CCPG1: variants seen among roughly 807,000 people sequenced by gnomAD.
CCPG1 encodes the protein cell cycle progression protein 1.
In CCPG1, 46 loss-of-function variants were observed where a neutral mutation model predicts 81.3. The observed-to-expected ratio is 0.57, with a 90% CI of 0.45 to 0.72. The LOEUF is 0.72. Ranked by LOEUF, CCPG1 falls within the 30% of genes least tolerant of loss-of-function variation. The pLI is 0.00. For synonymous variants in CCPG1, 330 were observed against 305.2 expected, an observed-to-expected ratio of 1.08 and a Z score of -0.85; for missense variants, 902 against 937.6, an observed-to-expected ratio of 0.96 and a Z score of 0.50.
chr15:55,356,501 T>C (rs1566963719), intron 8 of CCPG1, 92 bp from the exon 9 acceptor site: 1 of 1,303,886 alleles, frequency 7.7e-7, no homozygotes, highest in Non-Finnish European at 1.0e-6. Context: ...TAATCTATGA[T>C]CTGAACACTG....
chr15:55,393,831 TC>T (rs2056968391), intron 1 of CCPG1, among the ~76,000 whole-genome samples: 1 of 152,060 alleles, frequency 6.6e-6, no homozygotes, highest in South Asian at 2.1e-4. Flanking sequence ...ACTTCACCTC[TC>T]CATTCACATA....
At chr15:55,388,449 G>A (rs1357617317) in intron 2 of CCPG1, among the ~76,000 whole-genome samples, 1 of 152,142 alleles carries the variant, frequency 6.6e-6, no homozygotes, top group Non-Finnish European at 1.5e-5. Flanking sequence ...TAACGTAAAT[G>A]GAACACATGT....
intron 1 of CCPG1, among the ~76,000 whole-genome samples, chr15:55,390,505 A>G (rs1378565928): frequency 6.6e-6 from 1 of 152,250 alleles, no homozygotes; most frequent in Admixed American, 6.5e-5. Context: ...TACTGTGAAC[A>G]CATTAGATCC....
At chr15:55,369,818 A>G (rs2141264046) in intron 6 of CCPG1, among the ~76,000 whole-genome samples, 1 of 152,306 alleles carries the variant, frequency 6.6e-6, no homozygotes, top group South Asian at 2.1e-4. Flanking sequence ...AAATATTCAA[A>G]GGTCATGTAA....
Position 55,371,820 on chromosome 15 carries a change from T to A in CCPG1, c.679A>T (p.Ile227Phe). The A allele has an allele frequency of 6.2e-7, 1 of 1,614,040 alleles. No homozygotes were observed. Among genetic ancestry groups the A allele is most frequent in the Non-Finnish European group, 8.5e-7 (1 of 1,179,884 alleles). The change falls in exon 6 of 9, where the codon ATC (isoleucine) becomes TTC (phenylalanine). Residue 227 changes from isoleucine (I) to phenylalanine (F), a missense_variant. Ile to Phe is a conservative substitution (Grantham distance 21). Transcript: ENST00000442196. ...TAGAAATGGCCAAATCCCATGCTGATTGCAATCACCAAAGCAAGTATAACA... is the reference window on the plus strand; with the variant it reads ...TAGAAATGGCCAAATCCCATGCTGAATGCAATCACCAAAGCAAGTATAACA... ...KCVILALVIA[I>F]SMGFGHFYGT...
At chr15:55,387,694 G>GCGGT (rs1286449205) in intron 2 of CCPG1, among the ~76,000 whole-genome samples, 1 of 151,644 alleles carries the variant, frequency 6.6e-6, no homozygotes, top group Non-Finnish European at 1.5e-5. Flanking sequence ...ACAGGCATGT[G>GCGGT]CGACCACGCC....
chr15:55,383,150 T>C (rs2056734627), intron 3 of CCPG1, among the ~76,000 whole-genome samples: 1 of 152,236 alleles, frequency 6.6e-6, no homozygotes, highest in African/African-American at 2.4e-5. Context: ...AGACTGGATG[T>C]TGTGTTAGCA....
rs138220312 is a variant in CCPG1, at chr15:55,393,099, C to T, written c.-9-3666G>A. 7.9e-3 allele frequency among the ~76,000 whole-genome samples: 1,201 copies of T among 151,600 alleles called. 13 individuals carry two copies. The highest frequency in any genetic ancestry group is 0.024 in the African/African-American group (1,008 of 41,298). Reference sequence around the variant, plus strand: ...AGCCTGGGCAACAAGAGGGAAACTCCGTCTCAAAATAAATAAATTAATTAA... The same window carrying T: ...AGCCTGGGCAACAAGAGGGAAACTCTGTCTCAAAATAAATAAATTAATTAA... On this transcript the variant is annotated intron_variant, in intron 1 of 8. Coordinates refer to ENST00000442196, the MANE Select transcript of CCPG1 (RefSeq NM_001204450.2).
At chr15:55,369,990 GAT>G (rs1411271983) in intron 6 of CCPG1, among the ~76,000 whole-genome samples, 1 of 148,144 alleles carries the variant, frequency 6.8e-6, no homozygotes, top group Non-Finnish European at 1.5e-5. Context: ...GTTTCAGCTA[GAT>G]AGTCTATAAA....
At chr15:55,391,112 T>C (rs1284608584) in intron 1 of CCPG1, among the ~76,000 whole-genome samples, 1 of 152,254 alleles carries the variant, frequency 6.6e-6, no homozygotes, top group Admixed American at 6.5e-5. Context: ...TTTATTAAAC[T>C]GACTATATTT....
At chr15:55,392,988 C>CA (rs1161722896) in intron 1 of CCPG1, among the ~76,000 whole-genome samples, 1 of 152,156 alleles carries the variant, frequency 6.6e-6, no homozygotes, top group Non-Finnish European at 1.5e-5. Flanking sequence ...CCTGTAATCC[C>CA]AGCTACTCGA....
chr15:55,358,576 G>C (rs1019640985), intron 8 of CCPG1: 1 of 985,250 alleles, frequency 1.0e-6, no homozygotes, highest in Non-Finnish European at 1.2e-6. Flanking sequence ...TTCCCTGTCT[G>C]CATAGCAAAT....
In CCPG1 at chr15:55,386,403, T is replaced by A. The variant is rs1383455008; in HGVS notation, c.61-689A>T. ...TTATTCTGAGGTTATCTTTCCTACT[T>A]TGATGTCAGACTGTCTTTTCATTAA... On this transcript the variant is annotated intron_variant, in intron 2 of 8. Transcript: ENST00000442196. 4.6e-5 allele frequency among the ~76,000 whole-genome samples: 7 copies of A among 152,178 alleles called. No homozygotes were observed. The East Asian group carries it at 1.2e-3, about 25-fold the overall frequency.
chr15:55,364,129 C>G lies in CCPG1; in HGVS notation c.828+1059G>C, dbSNP rs190655847. 2.1e-4 allele frequency among the ~76,000 whole-genome samples: 32 copies of G among 150,572 alleles called. 1 individual carries two copies. The highest frequency in any genetic ancestry group is 7.5e-4 in the African/African-American group (31 of 41,360). On this transcript the variant is annotated intron_variant, in intron 7 of 8. Transcript: ENST00000442196. ...CCCAGACATAGCTTATTTTTCTACC[C>G]TGCATTTCTCTCTACAACCTTCTTA...
At chr15:55,403,946 A>C (rs1217306241) in intron 1 of CCPG1, among the ~76,000 whole-genome samples, 1 of 152,232 alleles carries the variant, frequency 6.6e-6, no homozygotes, top group Non-Finnish European at 1.5e-5. Context: ...ATATGCACCT[A>C]ATTTTTAAAA....
chr15:55,391,779 C>T (rs1296355916), intron 1 of CCPG1, among the ~76,000 whole-genome samples: 1 of 150,562 alleles, frequency 6.6e-6, no homozygotes, highest in African/African-American at 2.4e-5. Context: ...TCCCTTGAGG[C>T]CAGGAGTTCA....
rs374633748 is a variant in CCPG1, at chr15:55,360,416, C to T, written c.1357G>A (p.Val453Ile). Residue 453 changes from valine (V) to isoleucine (I), a missense_variant, in exon 8 of 9, where the codon GTT (valine) becomes ATT (isoleucine). Physicochemically the swap from Val to Ile is conservative, Grantham distance 29 (BLOSUM62 3). This residue lies in a region of CCPG1 where 746 missense variants were observed against 728.6 expected (regional missense o/e 1.02). Transcript: ENST00000442196. ...QRSDLWERLY[V>I]EAKDQNGKQG... The stretch of plus-strand genomic sequence containing the variant: ...TTTCCATTTTGATCTTTTGCCTCAA[C>T]ATACAATCTTTCCCACAAATCAGAA... 2.2e-5 allele frequency: 36 copies of T among 1,613,730 alleles called. No homozygotes were observed. Among genetic ancestry groups the T allele is most frequent in the Non-Finnish European group, 2.7e-5 (32 of 1,180,020 alleles).
intron 3 of CCPG1, among the ~76,000 whole-genome samples, chr15:55,381,356 C>T (rs567467733): frequency 2.7e-5 from 4 of 150,666 alleles, no homozygotes; most frequent in South Asian, 2.1e-4. Flanking sequence ...AGACTTGAAC[C>T]GGGGAGGCGG....
At chr15:55,406,228 T>C (rs2057216889) in intron 1 of CCPG1, among the ~76,000 whole-genome samples, 1 of 151,786 alleles carries the variant, frequency 6.6e-6, no homozygotes, top group Admixed American at 6.6e-5. Context: ...TTTTTTTTTT[T>C]TTTGCATAAG....
Sources: gnomAD v4.1 joint callset for allele counts (sites outside exome capture counted in the v4.1 genomes callset) on GRCh38, gnomAD v4.1.1 for gene constraint, gnomAD v4.1.1 regional missense constraint, MANE v1.5 for transcripts, NCBI Gene and HGNC (gene_info 2026-07-23, HGNC 2026-07-21) for gene names.